DCDC1: variants seen among roughly 807,000 people sequenced by gnomAD.
The protein encoded by DCDC1 is doublecortin domain-containing protein 1.
DCDC1 carries 200 observed loss-of-function variants against 178.3 expected under a neutral mutation model. The observed-to-expected ratio is 1.12, with a 90% CI of 1.00 to 1.26. The LOEUF (loss-of-function observed/expected upper bound fraction) is 1.26, where lower values mean the gene tolerates loss of function less well. Ranked by LOEUF, DCDC1 falls within the 50% of genes most tolerant of loss-of-function variation. DCDC1 has a pLI of 0.00. For synonymous variants in DCDC1, 690 were observed against 604.8 expected (o/e 1.14, Z -2.07); for missense variants, 1,983 against 1,749.2 (o/e 1.13, Z -2.38).
rs1555146241 is a variant in DCDC1 at position 31,250,421 on chromosome 11, C to CACATATAT, written c.1055-8806_1055-8805insATATATGT. On this transcript the variant is annotated intron_variant, in intron 8 of 38. Transcript: ENST00000684477. ...ACACACACACACACACACACATATA[C>CACATATAT]ATATATATGTATATATATATATATC... 3.8e-5 allele frequency among the ~76,000 whole-genome samples: 2 copies of CACATATAT among 52,868 alleles called. 1 individual carries two copies. Among genetic ancestry groups the CACATATAT allele is most frequent in the African/African-American group, 1.0e-4 (2 of 19,548 alleles). 34.7% of individuals were successfully genotyped at this position (52,868 alleles called of 152,430 possible). A position where few individuals can be genotyped will look rare whatever the true frequency, so the allele number is the denominator to read the frequency against.
At chr11:30,923,549 A>G (rs1946398068) in intron 23 of DCDC1, among the ~76,000 whole-genome samples, 1 of 150,952 alleles carries the variant, frequency 6.6e-6, no homozygotes. Context: ...GATCATTGCA[A>G]AGTCATTATT....
At chr11:31,080,421 G>GT (rs1436315237) in intron 17 of DCDC1, among the ~76,000 whole-genome samples, 1 of 152,120 alleles carries the variant, frequency 6.6e-6, no homozygotes, top group Non-Finnish European at 1.5e-5. Context: ...GTTATTTTGT[G>GT]TAAGTGGAAG....
chr11:31,016,299 C>CA (rs1952482977), intron 20 of DCDC1, among the ~76,000 whole-genome samples: 1 of 152,168 alleles, frequency 6.6e-6, no homozygotes, highest in Non-Finnish European at 1.5e-5. Context: ...GAAAAAGTGT[C>CA]AGAGTCCCCT....
chr11:30,960,615 C>T (rs949292689), intron 20 of DCDC1, among the ~76,000 whole-genome samples: 1 of 152,252 alleles, frequency 6.6e-6, no homozygotes, highest in African/African-American at 2.4e-5. Context: ...GCAATGCTTG[C>T]AGGCAGCCTT....
intron 9 of DCDC1, among the ~76,000 whole-genome samples, chr11:31,193,918 C>G (rs894185428): frequency 6.6e-6 from 1 of 152,064 alleles, no homozygotes; most frequent in Non-Finnish European, 1.5e-5. Flanking sequence ...CTTAACAGCA[C>G]ACATGTAGCA....
intron 20 of DCDC1, among the ~76,000 whole-genome samples, chr11:31,040,698 G>A (rs1416319123): frequency 6.6e-6 from 1 of 152,184 alleles, no homozygotes; most frequent in Non-Finnish European, 1.5e-5. Context: ...AAATGTTGGT[G>A]CTAAAATACA....
At chr11:30,974,867 T>C (rs149777195) in intron 20 of DCDC1, among the ~76,000 whole-genome samples, 2 of 152,208 alleles carry the variant, frequency 1.3e-5, no homozygotes, top group East Asian at 3.9e-4. Context: ...TCTAGCTCAT[T>C]CTATAAGGCC....
intron 15 of DCDC1, among the ~76,000 whole-genome samples, chr11:31,096,809 G>A (rs539132397): frequency 7.9e-5 from 12 of 151,964 alleles, no homozygotes; most frequent in African/African-American, 1.2e-4. Flanking sequence ...TGATAGCTTA[G>A]CTTTAGACCA....
intron 6 of DCDC1, among the ~76,000 whole-genome samples, chr11:31,303,968 G>A (rs1948292236): frequency 6.6e-6 from 1 of 152,134 alleles, no homozygotes; most frequent in Non-Finnish European, 1.5e-5. Flanking sequence ...AAATTTTCAG[G>A]AATGTGTGCC....
rs199568376 is a variant in DCDC1, at chr11:31,258,454, C to T, written c.1054+7053G>A. The stretch of plus-strand genomic sequence containing the variant: ...AGTATTAATAAAAGAAAAGAAGAGA[C>T]TCAATTGTGGCAAACAATGCTAACC... On this transcript the variant is annotated intron_variant, in intron 8 of 38. Transcript: ENST00000684477. Among the ~76,000 whole-genome samples the T allele has an allele frequency of 2.0e-5, 3 of 152,090 alleles. No homozygotes were observed. The East Asian group carries it at 5.8e-4, about 29-fold the overall frequency.
chr11:30,944,437 C>G (rs1207825897), intron 21 of DCDC1: 4 of 417,942 alleles, frequency 9.6e-6, no homozygotes, highest in Non-Finnish European at 1.9e-5. Flanking sequence ...CCAAAGTATT[C>G]TGAATGCCAC....
intron 4 of DCDC1, 104 bp downstream of exon 4, chr11:31,307,535 T>G: frequency 6.9e-7 from 1 of 1,445,394 alleles, no homozygotes; most frequent in Non-Finnish European, 9.3e-7. Flanking sequence ...GAGAGATGTG[T>G]TACATTTTAA....
At chr11:31,341,424 T>C (rs4477414) in intron 1 of DCDC1, among the ~76,000 whole-genome samples, 1,652 of 150,450 alleles carry the variant, frequency 0.011, 39 homozygotes, top group African/African-American at 0.038. Flanking sequence ...GATAGATAGA[T>C]AGATAGATAG....
intron 25 of DCDC1, 96 bp downstream of exon 25, chr11:30,920,680 C>T: frequency 1.4e-6 from 2 of 1,437,420 alleles, no homozygotes; most frequent in Non-Finnish European, 1.9e-6. Context: ...ACAAACTTGG[C>T]ATGAGCTCCC....
In DCDC1 at chr11:31,147,958, G is replaced by T. The variant is rs114353162; in HGVS notation, c.1222-10174C>A. Among the ~76,000 whole-genome samples the T allele has an allele frequency of 8.1e-3, 1,240 of 152,246 alleles. 13 individuals are homozygous for T. Among genetic ancestry groups the T allele is most frequent in the African/African-American group, 0.028 (1,182 of 41,548 alleles). Reference sequence around the variant, plus strand: ...ATGACTATCTCTTAAGAGAGAGGCTGATTGGCCTGGCTGGGGTCAGGGGCC... The same window carrying T: ...ATGACTATCTCTTAAGAGAGAGGCTTATTGGCCTGGCTGGGGTCAGGGGCC... On this transcript the variant is annotated intron_variant, in intron 9 of 38. Transcript: ENST00000684477.
intron 36 of DCDC1, chr11:30,882,540 C>T (rs1244599396): frequency 6.6e-6 from 1 of 151,952 alleles, no homozygotes; most frequent in African/African-American, 2.4e-5. Context: ...TTAAATGCAG[C>T]CCTACTCCTG....
At chr11:31,153,819 A>ACACACACACACACACAC (rs1565356578) in intron 9 of DCDC1, among the ~76,000 whole-genome samples, 1 of 45,776 alleles carries the variant, frequency 2.2e-5, no homozygotes, top group African/African-American at 1.4e-4. Context: ...CACACACACA[A>ACACACACACACACACAC]TTACCATAAC....
intron 1 of DCDC1, among the ~76,000 whole-genome samples, chr11:31,341,969 C>T (rs780475075): frequency 3.3e-5 from 5 of 152,056 alleles, no homozygotes; most frequent in South Asian, 2.1e-4. Context: ...GGACCAATAG[C>T]GCCTGTCAGG....
At chr11:30,919,981 G>A (rs1946131734) in intron 25 of DCDC1, among the ~76,000 whole-genome samples, 1 of 152,180 alleles carries the variant, frequency 6.6e-6, no homozygotes, top group African/African-American at 2.4e-5. Context: ...GCCACGTACA[G>A]TCATTGCTGT....
Sources: allele counts gnomAD v4.1 joint callset (sites outside exome capture counted in the v4.1 genomes callset), GRCh38; gene constraint gnomAD v4.1.1; transcripts MANE v1.5; gene names NCBI Gene and HGNC (gene_info 2026-07-23, HGNC 2026-07-21).